The following NTRK1 variants were observed in gnomAD, a reference collection of about 807,000 sequenced individuals.
NTRK1 encodes the protein high affinity nerve growth factor receptor.
In NTRK1, 62 loss-of-function variants were observed where a neutral mutation model predicts 86.8. The observed-to-expected ratio is 0.71, with a 90% CI of 0.58 to 0.88. NTRK1 has a LOEUF of 0.88. NTRK1 is among the 40% of genes least tolerant of loss of function. The pLI is 0.00. For synonymous variants in NTRK1, 469 were observed against 456.6 expected (o/e 1.03, Z -0.35); for missense variants, 967 against 1,078.4 (o/e 0.90, Z 1.45).
At chr1:156,864,838 G>C in intron 3 of NTRK1, 39 bp downstream of exon 3, 1 of 1,589,620 alleles carries the variant, frequency 6.3e-7, no homozygotes, top group East Asian at 2.2e-5. Context: ...AGTTGGGGAG[G>C]ACACCCAGAC....
At chr1:156,851,766 C>T (rs746583518) in intron 2 of NTRK1, 8 of 1,611,376 alleles carry the variant, frequency 5.0e-6, no homozygotes, top group Admixed American at 1.7e-5. Context: ...GGGCACAGCC[C>T]CTCGCACTTG....
At chr1:156,871,041 T>C (rs1647518582) in intron 6 of NTRK1, among the ~76,000 whole-genome samples, 1 of 152,232 alleles carries the variant, frequency 6.6e-6, no homozygotes, top group Admixed American at 6.5e-5. Flanking sequence ...GTTTCTGATC[T>C]TCCTTGGGCT....
At chr1:156,868,285 T>C (rs767902235) in intron 5 of NTRK1, 36 bp downstream of exon 5, 1 of 1,600,936 alleles carries the variant, frequency 6.2e-7, no homozygotes, top group South Asian at 1.1e-5. Context: ...GTAAGGGGGC[T>C]GGGGAAGAGA....
At chr1:156,864,931 T>G in intron 3 of NTRK1, 132 bp downstream of exon 3, 1 of 866,514 alleles carries the variant, frequency 1.2e-6, no homozygotes, top group East Asian at 2.6e-5. Context: ...ACCTCACCAT[T>G]CTCCTGGGGC....
rs777677435 is a variant in NTRK1 at position 156,878,267 on chromosome 1, C to T, written c.1806-855C>T. On this transcript the variant is annotated intron_variant, in intron 14 of 16. Transcript: ENST00000524377. ...TGGAGACAGACACACAAACTCTACCCCTCCCTGCCTCAGCTCCCTTCGAAT... is the reference window on the plus strand; with the variant it reads ...TGGAGACAGACACACAAACTCTACCTCTCCCTGCCTCAGCTCCCTTCGAAT... 4.6e-5 allele frequency among the ~76,000 whole-genome samples: 7 copies of T among 152,294 alleles called. No individual in the cohort carries two copies. In the Middle Eastern group the frequency reaches 0.01, roughly 222 times the overall value.
At chr1:156,816,185 G>A in intron 1 of NTRK1, 1 of 1,496,342 alleles carries the variant, frequency 6.7e-7, no homozygotes, top group Non-Finnish European at 8.9e-7. Context: ...CAGGGGATCT[G>A]GAGGGCTGGG....
intron 2 of NTRK1, chr1:156,853,848 G>C: frequency 1.9e-6 from 3 of 1,613,968 alleles, no homozygotes; most frequent in Non-Finnish European, 2.5e-6. Flanking sequence ...AGCACACCAG[G>C]GCACACGTCA....
At position 156,881,453 on chromosome 1, in the gene NTRK1, C is replaced by T. The variant is rs1265438516; in HGVS notation, c.2206-4C>T. 6.4e-7 allele frequency: 1 copy of T among 1,560,910 alleles called. No homozygotes were observed. Among genetic ancestry groups the T allele is most frequent in the Non-Finnish European group, 8.7e-7 (1 of 1,152,418 alleles). On this transcript the variant is annotated splice_region_variant and splice_polypyrimidine_tract_variant and intron_variant, in intron 16 of 16. Coordinates refer to ENST00000524377, the MANE Select transcript of NTRK1 (RefSeq NM_002529.4). ...TTTCTCCTCTGTCTCTCCGGTGGCCCCAGGCAATCGACTGCATCACGCAGG... is the reference window on the plus strand; with the variant it reads ...TTTCTCCTCTGTCTCTCCGGTGGCCTCAGGCAATCGACTGCATCACGCAGG...
At chr1:156,816,839 C>A (rs1653997181) in intron 1 of NTRK1, 10 of 826,738 alleles carry the variant, frequency 1.2e-5, no homozygotes, top group Non-Finnish European at 1.8e-5. Flanking sequence ...TTACCCACAG[C>A]CTTAGTTCTG....
intron 15 of NTRK1, 78 bp downstream of exon 15, chr1:156,879,440 T>C (rs2102925741): frequency 6.6e-7 from 1 of 1,519,756 alleles, no homozygotes; most frequent in Middle Eastern, 1.8e-4. Flanking sequence ...ACTGAGAGCC[T>C]GCCCTTGCTA....
At chr1:156,862,081 C>T (rs931822274) in intron 1 of NTRK1, among the ~76,000 whole-genome samples, 4 of 152,162 alleles carry the variant, frequency 2.6e-5, no homozygotes, top group Non-Finnish European at 5.9e-5. Flanking sequence ...AGAAAATCCT[C>T]CTCCTGTGGC....
chr1:156,837,278 T>G (rs1182266262), intron 1 of NTRK1: 2 of 152,604 alleles, frequency 1.3e-5, no homozygotes, highest in East Asian at 3.8e-4. Flanking sequence ...CACTTCAGCT[T>G]TGCATCCAGG....
chr1:156,845,103 A>C, intron 2 of NTRK1: 1 of 1,610,568 alleles, frequency 6.2e-7, no homozygotes, highest in Non-Finnish European at 8.5e-7. Flanking sequence ...GCAAAGACGA[A>C]GGTGGCGGCG....
chr1:156,861,154 T>C lies in NTRK1; in HGVS notation c.212+8T>C, dbSNP rs2102879661. On this transcript the variant is annotated splice_region_variant and intron_variant, in intron 1 of 16. Coordinates refer to ENST00000524377, the MANE Select transcript of NTRK1 (RefSeq NM_002529.4). The stretch of plus-strand genomic sequence containing the variant: ...AGAGAACCTGACTGAGCTGTGAGTG[T>C]CCGGCGGGCGGTGGGGGGGCGCGGG... 6.4e-7 allele frequency: 1 copy of C among 1,555,836 alleles called. No individual in the cohort carries two copies. Among genetic ancestry groups the C allele is most frequent in the Non-Finnish European group, 8.7e-7 (1 of 1,154,374 alleles).
upstream of NTRK1, chr1:156,860,782 G>T (rs1194498378): frequency 2.3e-6 from 3 of 1,313,936 alleles, no homozygotes; most frequent in Non-Finnish European, 2.9e-6. Context: ...GAGAAGAGGG[G>T]CAAGGCGGGG....
chr1:156,874,114 C>A (rs1647745920), intron 8 of NTRK1, 155 bp downstream of exon 8: 1 of 909,704 alleles, frequency 1.1e-6, no homozygotes, highest in Admixed American at 2.1e-5. Context: ...GGCCTCCTTA[C>A]CCTCTCCCCA....
At chr1:156,837,285 C>T (rs1654619639) in intron 1 of NTRK1, 1 of 152,480 alleles carries the variant, frequency 6.6e-6, no homozygotes, top group African/African-American at 2.4e-5. Context: ...GCTTTGCATC[C>T]AGGGTCCAGG....
intron 8 of NTRK1, 120 bp from the exon 9 acceptor site, chr1:156,874,263 C>T: frequency 1.4e-6 from 2 of 1,458,364 alleles, no homozygotes; most frequent in South Asian, 1.1e-5. Context: ...CCACCTCCAT[C>T]CCCCCTCGTC....
In NTRK1 at chr1:156,873,955, C is replaced by T. The variant is rs2102906477; in HGVS notation, c.1173C>T (p.Ile391=). The change falls in exon 8 of 17, where the codon ATC becomes ATT. Residue 391 remains isoleucine (I), a synonymous_variant. Coordinates refer to ENST00000524377, the MANE Select transcript of NTRK1 (RefSeq NM_002529.4). ...NPFEFNPEDP[I]PVSFSPVDTN... is the part of the protein sequence containing the mutation. Reference sequence around the variant, plus strand: ...TCGAGTTCAACCCCGAGGACCCCATCCCTGGTGCGAGGGCCATCCTGAACC... The same window carrying T: ...TCGAGTTCAACCCCGAGGACCCCATTCCTGGTGCGAGGGCCATCCTGAACC... The T allele has an allele frequency of 6.4e-7, 1 of 1,552,568 alleles. No homozygotes were observed. Among genetic ancestry groups the T allele is most frequent in the South Asian group, 1.2e-5 (1 of 84,156 alleles).
Sources: allele counts gnomAD v4.1 joint callset (sites outside exome capture counted in the v4.1 genomes callset), GRCh38; gene constraint gnomAD v4.1.1; transcripts MANE v1.5; gene names NCBI Gene and HGNC (gene_info 2026-07-23, HGNC 2026-07-21).